The following DOK5 variants were observed in gnomAD, a reference collection of about 807,000 sequenced individuals.
DOK5 encodes downstream of tyrosine kinase 5.
DOK5 carries 27 observed loss-of-function variants against 43.3 expected under a neutral mutation model. The observed-to-expected ratio is 0.62, with a 90% CI of 0.46 to 0.86. The LOEUF is 0.86. Among genes scored for constraint, DOK5 ranks in the 40% least tolerant of loss-of-function variants. The pLI is 0.00. For synonymous variants in DOK5, 146 were observed against 140.1 expected, an observed-to-expected ratio of 1.04 and a Z score of -0.30; for missense variants, 373 against 392.9, an observed-to-expected ratio of 0.95 and a Z score of 0.43.
chr20:54,513,627 G>C (rs772200183), intron 1 of DOK5, among the ~76,000 whole-genome samples: 3 of 152,142 alleles, frequency 2.0e-5, no homozygotes, highest in Non-Finnish European at 2.9e-5. Flanking sequence ...GACTGTCAAA[G>C]GAAGATTTTT....
rs192388535 is a variant in DOK5, at chr20:54,505,238, A to G, written c.66+29226A>G. The stretch of plus-strand genomic sequence containing the variant: ...TTGGTAAATTATGATCCAAAGGCCA[A>G]AATGCCCCTCTCTCCTGCTTGTTTT... On this transcript the variant is annotated intron_variant, in intron 1 of 7. Coordinates refer to ENST00000262593, the MANE Select transcript of DOK5 (RefSeq NM_018431.5). 4.9e-4 allele frequency among the ~76,000 whole-genome samples: 75 copies of G among 152,146 alleles called. 2 individuals are homozygous for G. The highest frequency in any genetic ancestry group is 1.8e-3 in the Admixed American group (28 of 15,260).
intron 2 of DOK5, among the ~76,000 whole-genome samples, chr20:54,586,362 G>A (rs1356938663): frequency 1.3e-5 from 2 of 152,124 alleles, no homozygotes; most frequent in East Asian, 3.9e-4. Flanking sequence ...TGGACCTTGG[G>A]GGAAAAGTGA....
At chr20:54,585,846 G>C (rs147382587) in intron 2 of DOK5, among the ~76,000 whole-genome samples, 4 of 152,240 alleles carry the variant, frequency 2.6e-5, no homozygotes, top group African/African-American at 9.6e-5. Context: ...TGCTGGCCGG[G>C]TGCAGTGGCT....
At chr20:54,642,091 C>T (rs1244519493) in intron 6 of DOK5, among the ~76,000 whole-genome samples, 2 of 152,202 alleles carry the variant, frequency 1.3e-5, no homozygotes, top group African/African-American at 4.8e-5. Flanking sequence ...TCTGCTTCCA[C>T]TTGCACCCCC....
At chr20:54,581,510 A>G (rs971584471) in intron 2 of DOK5, among the ~76,000 whole-genome samples, 1 of 151,788 alleles carries the variant, frequency 6.6e-6, no homozygotes, top group African/African-American at 2.4e-5. Flanking sequence ...AAGTCTTTCA[A>G]TCTATGAAAA....
In DOK5 at chr20:54,588,515, T is replaced by A; in HGVS notation, c.207T>A (p.Ala69=). Residue 69 remains alanine (A), a synonymous_variant, in exon 3 of 8, where the codon GCT becomes GCA. Coordinates refer to ENST00000262593, the MANE Select transcript of DOK5 (RefSeq NM_018431.5). ...VTELNNVKNV[A]RLPKSTKKHA... is the part of the protein sequence containing the mutation. ...AACTCAATAATGTGAAGAACGTAGCTCGATTGCCAAAAAGCACCAAGAAAC... is the reference window on the plus strand; with the variant it reads ...AACTCAATAATGTGAAGAACGTAGCACGATTGCCAAAAAGCACCAAGAAAC... 2.5e-6 allele frequency: 4 copies of A among 1,614,170 alleles called. No individual in the cohort carries two copies. Among genetic ancestry groups the A allele is most frequent in the Non-Finnish European group, 3.4e-6 (4 of 1,180,004 alleles).
intron 5 of DOK5, 84 bp from the exon 6 acceptor site, chr20:54,610,304 G>C: frequency 1.5e-6 from 2 of 1,325,878 alleles, no homozygotes; most frequent in Non-Finnish European, 2.0e-6. Context: ...AATGGGCGCA[G>C]CCTAATGGAG....
At chr20:54,648,648 C>T (rs1204764042) in intron 7 of DOK5, among the ~76,000 whole-genome samples, 1 of 152,138 alleles carries the variant, frequency 6.6e-6, no homozygotes, top group Non-Finnish European at 1.5e-5. Flanking sequence ...GCCTAAGGGA[C>T]ATAAAGAGAC....
At chr20:54,527,012 G>A (rs781587667) in intron 1 of DOK5, among the ~76,000 whole-genome samples, 1 of 152,116 alleles carries the variant, frequency 6.6e-6, no homozygotes, top group Non-Finnish European at 1.5e-5. Context: ...AAATAGTTGA[G>A]GTTTCTGTAG....
At chr20:54,508,859 T>C (rs148068266) in intron 1 of DOK5, among the ~76,000 whole-genome samples, 2,508 of 152,028 alleles carry the variant, frequency 0.016, 69 homozygotes, top group African/African-American at 0.057. Context: ...GGATTACAGG[T>C]GTGAGCCACT....
chr20:54,577,536 A>C (rs2146754779), intron 2 of DOK5, among the ~76,000 whole-genome samples: 1 of 152,368 alleles, frequency 6.6e-6, no homozygotes, highest in Admixed American at 6.5e-5. Flanking sequence ...GTCTTCATAC[A>C]AGAAGCAATA....
chr20:54,600,847 G>T (rs779747585), intron 5 of DOK5, among the ~76,000 whole-genome samples: 4 of 152,192 alleles, frequency 2.6e-5, no homozygotes, highest in Non-Finnish European at 4.4e-5. Context: ...CTAGCAAAGG[G>T]CTATTTTTAG....
chr20:54,477,739 G>A (rs984301199), intron 1 of DOK5, among the ~76,000 whole-genome samples: 2 of 152,042 alleles, frequency 1.3e-5, no homozygotes, highest in African/African-American at 4.8e-5. Flanking sequence ...GTGTTAGGGA[G>A]CATTCCAATG....
intron 6 of DOK5, among the ~76,000 whole-genome samples, chr20:54,628,521 G>A (rs1382116468): frequency 6.8e-6 from 1 of 147,156 alleles, no homozygotes; most frequent in Non-Finnish European, 1.5e-5. Flanking sequence ...AACCAGAACT[G>A]ATGCACAGGA....
chr20:54,640,122 A>C (rs997091063), intron 6 of DOK5, among the ~76,000 whole-genome samples: 1 of 152,166 alleles, frequency 6.6e-6, no homozygotes, highest in African/African-American at 2.4e-5. Context: ...TTGGGATATG[A>C]AAGGAAAGCG....
chr20:54,607,962 T>G (rs1179318419), intron 5 of DOK5, among the ~76,000 whole-genome samples: 1 of 151,804 alleles, frequency 6.6e-6, no homozygotes, highest in African/African-American at 2.4e-5. Flanking sequence ...TTTCCAAGAG[T>G]AAAATTAATT....
chr20:54,642,181 T>G (rs1005417220), intron 6 of DOK5, among the ~76,000 whole-genome samples: 1 of 152,116 alleles, frequency 6.6e-6, no homozygotes, highest in Non-Finnish European at 1.5e-5. Flanking sequence ...TCTGAAACTT[T>G]CCTTCTTTTG....
chr20:54,534,807 T>C (rs1427835670), intron 1 of DOK5, among the ~76,000 whole-genome samples: 1 of 146,514 alleles, frequency 6.8e-6, no homozygotes, highest in Non-Finnish European at 1.5e-5. Context: ...CAAGAATTGA[T>C]TTTGAAAGCA....
At chr20:54,534,401 C>T (rs1001315277) in intron 1 of DOK5, among the ~76,000 whole-genome samples, 2 of 152,172 alleles carry the variant, frequency 1.3e-5, no homozygotes, top group Non-Finnish European at 2.9e-5. Flanking sequence ...GTTGTCCAGG[C>T]TGGTCTTGAA....
Sources: allele counts gnomAD v4.1 joint callset (sites outside exome capture counted in the v4.1 genomes callset), GRCh38; gene constraint gnomAD v4.1.1; transcripts MANE v1.5; gene names NCBI Gene and HGNC (gene_info 2026-07-23, HGNC 2026-07-21).